EYS: variants seen among roughly 807,000 people sequenced by gnomAD.
EYS encodes protein eyes shut homolog.
A neutral mutation model predicts 282.1 loss-of-function variants in EYS; 250 were observed. The observed-to-expected ratio is 0.89, with a 90% CI of 0.80 to 0.98. EYS has a LOEUF of 0.98. Among genes scored for constraint, EYS ranks in the 50% least tolerant of loss-of-function variants. The pLI, the probability that EYS is intolerant of heterozygous loss-of-function variation, is 0.00. For synonymous variants in EYS, 1,355 were observed against 1,282.9 expected, an observed-to-expected ratio of 1.06 and a Z score of -1.20; for missense variants, 4,016 against 3,709.0, an observed-to-expected ratio of 1.08 and a Z score of -2.15.
At chr6:65,392,080 C>G (rs946556451) in intron 7 of EYS, among the ~76,000 whole-genome samples, 12 of 152,134 alleles carry the variant, frequency 7.9e-5, no homozygotes, top group Admixed American at 3.9e-4. Context: ...AAAGGATTCC[C>G]TATTTAATAA....
chr6:65,629,708 C>T (rs1486567508), intron 2 of EYS, among the ~76,000 whole-genome samples: 1 of 152,138 alleles, frequency 6.6e-6, no homozygotes, highest in South Asian at 2.1e-4. Context: ...TTCCTCCTGT[C>T]TCTTTGTTTG....
At position 64,330,383 on chromosome 6, in the gene EYS, G is replaced by A. The variant is rs149758353; in HGVS notation, c.6079-23301C>T. Among the ~76,000 whole-genome samples the A allele has an allele frequency of 1.1e-3, 174 of 152,176 alleles. 2 individuals are homozygous for A. The highest frequency in any genetic ancestry group is 1.3e-3 in the Non-Finnish European group (89 of 67,988). ...CATTTGGATTCCAAATTACACACTC[G>A]GCAAAACCATTGTATGAGACTACCA... On this transcript the variant is annotated intron_variant, in intron 29 of 42. Coordinates refer to ENST00000503581, the MANE Select transcript of EYS (RefSeq NM_001142800.2).
intron 30 of EYS, among the ~76,000 whole-genome samples, chr6:64,267,399 A>G (rs1582510179): frequency 6.6e-6 from 1 of 151,070 alleles, no homozygotes; most frequent in African/African-American, 2.4e-5. Context: ...CCCATACTTC[A>G]CCTCTCTTCC....
chr6:65,347,441 A>C (rs890683291), intron 9 of EYS, among the ~76,000 whole-genome samples: 1 of 151,542 alleles, frequency 6.6e-6, no homozygotes, highest in Non-Finnish European at 1.5e-5. Context: ...TTTCTTTTGC[A>C]TTTTGATTTT....
At chr6:64,459,418 G>C (rs555354361) in intron 26 of EYS, among the ~76,000 whole-genome samples, 2 of 152,246 alleles carry the variant, frequency 1.3e-5, no homozygotes, top group East Asian at 3.9e-4. Context: ...TAAAGAGAGA[G>C]AACTAATGGG....
chr6:65,132,872 TA>T (rs570959875), intron 12 of EYS, among the ~76,000 whole-genome samples: 2 of 151,604 alleles, frequency 1.3e-5, no homozygotes, highest in African/African-American at 2.4e-5. Flanking sequence ...AGATTTAGGA[TA>T]AAAAAACCAA....
chr6:64,509,601 G>A lies in EYS; in HGVS notation c.5645-70249C>T, dbSNP rs672291. On this transcript the variant is annotated intron_variant, in intron 26 of 42. Coordinates refer to ENST00000503581, the MANE Select transcript of EYS (RefSeq NM_001142800.2). ...ATAATAATCAATTTCAATTCTACGG[G>A]GTACACATTAATGGATATGGTTTGG... Among the ~76,000 whole-genome samples the A allele has an allele frequency of 2.8e-3, 422 of 152,084 alleles. 4 individuals carry two copies. Among genetic ancestry groups the A allele is most frequent in the African/African-American group, 9.7e-3 (402 of 41,484 alleles).
chr6:65,094,337 G>T (rs201655860), intron 12 of EYS, among the ~76,000 whole-genome samples: 1 of 72,558 alleles, frequency 1.4e-5, no homozygotes, highest in Non-Finnish European at 3.0e-5. Flanking sequence ...AAAAAAAAAA[G>T]CAAACCGAGG....
chr6:64,541,682 G>T (rs947972488), intron 26 of EYS, among the ~76,000 whole-genome samples: 3 of 151,986 alleles, frequency 2.0e-5, no homozygotes, highest in Non-Finnish European at 2.9e-5. Context: ...GATATTTCAG[G>T]AAAGGTTCTT....
chr6:63,934,116 A>G (rs890796392), intron 35 of EYS, among the ~76,000 whole-genome samples: 11 of 152,242 alleles, frequency 7.2e-5, no homozygotes, highest in Admixed American at 2.0e-4. Flanking sequence ...TCTCAAAAGA[A>G]GACACTTATG....
chr6:64,634,980 G>C (rs941124707), intron 22 of EYS, among the ~76,000 whole-genome samples: 3 of 151,970 alleles, frequency 2.0e-5, no homozygotes, highest in African/African-American at 7.3e-5. Flanking sequence ...CCATTTGTTT[G>C]TATCCTCTTT....
At chr6:65,620,183 C>T (rs1766416702) in intron 2 of EYS, among the ~76,000 whole-genome samples, 2 of 152,140 alleles carry the variant, frequency 1.3e-5, no homozygotes, top group Admixed American at 6.5e-5. Flanking sequence ...CCATCTGGCC[C>T]TGGACTCTTT....
rs913831642 is a variant in EYS, at chr6:65,147,972, A to C, written c.2024-90245T>G. Among the ~76,000 whole-genome samples, 8 of 152,142 alleles carry C rather than the reference A, an allele frequency of 5.3e-5. No individual in the cohort carries two copies. In the South Asian group the frequency reaches 1.7e-3, roughly 32 times the overall value. ...TCACTATCATGAGGACATCATGGGG[A>C]AAACTACCCCTATGAGCCAATCACT... On this transcript the variant is annotated intron_variant, in intron 12 of 42. Transcript: ENST00000503581.
chr6:64,368,410 A>C (rs931796748), intron 29 of EYS, among the ~76,000 whole-genome samples: 13 of 152,104 alleles, frequency 8.5e-5, no homozygotes, highest in African/African-American at 3.1e-4. Flanking sequence ...ACATATGTGC[A>C]CGTGTCTTTA....
intron 35 of EYS, among the ~76,000 whole-genome samples, chr6:63,943,321 A>T (rs894456380): frequency 5.3e-5 from 8 of 152,244 alleles, no homozygotes; most frequent in African/African-American, 1.2e-4. Flanking sequence ...GGTCTTATCC[A>T]TACATTTGGT....
chr6:64,849,049 T>C (rs1002614605), intron 19 of EYS, among the ~76,000 whole-genome samples: 13 of 152,030 alleles, frequency 8.6e-5, no homozygotes, highest in African/African-American at 3.1e-4. Flanking sequence ...CTCCACACTA[T>C]TCTATTTTCA....
intron 14 of EYS, among the ~76,000 whole-genome samples, chr6:64,972,217 T>A (rs1770317956): frequency 6.6e-6 from 1 of 152,126 alleles, no homozygotes; most frequent in African/African-American, 2.4e-5. Context: ...CATTAGGCAA[T>A]CTGGCAGAAG....
At chr6:64,077,627 C>A (rs1003691417) in intron 32 of EYS, among the ~76,000 whole-genome samples, 3 of 151,970 alleles carry the variant, frequency 2.0e-5, no homozygotes, top group Non-Finnish European at 2.9e-5. Flanking sequence ...CCTCCTGGGA[C>A]TTGGTCAGAT....
At chr6:64,044,664 GTTC>G (rs1770540634) in intron 33 of EYS, among the ~76,000 whole-genome samples, 1 of 152,046 alleles carries the variant, frequency 6.6e-6, no homozygotes. Flanking sequence ...CATTCTTTCT[GTTC>G]TTTTCAGGGG....
Sources: allele counts gnomAD v4.1 joint callset (sites outside exome capture counted in the v4.1 genomes callset), GRCh38; gene constraint gnomAD v4.1.1; transcripts MANE v1.5; gene names NCBI Gene and HGNC (gene_info 2026-07-23, HGNC 2026-07-21).